The following BPNT1 variants were observed in gnomAD, a reference collection of about 807,000 sequenced individuals.
BPNT1 encodes the protein 3'(2'), 5'-bisphosphate nucleotidase 1.
In BPNT1, 28 loss-of-function variants were observed where a neutral mutation model predicts 36.9. The ratio of observed to expected loss-of-function variants is 0.76; its 90% CI spans 0.56 to 1.04. BPNT1 has a LOEUF of 1.04. Among genes scored for constraint, BPNT1 ranks in the 50% least tolerant of loss-of-function variants. The pLI is 0.00. For synonymous variants in BPNT1, 119 were observed against 130.9 expected, an observed-to-expected ratio of 0.91 and a Z score of 0.62; for missense variants, 313 against 372.9, an observed-to-expected ratio of 0.84 and a Z score of 1.32.
At chr1:220,074,135 T>C in intron 2 of BPNT1, 64 bp from the exon 3 acceptor site, 6 of 1,400,030 alleles carry the variant, frequency 4.3e-6, no homozygotes, top group Non-Finnish European at 5.0e-6. Flanking sequence ...TGATTCCTTG[T>C]GCATGAGTGC....
chr1:220,081,226 T>C (rs1388784170), intron 1 of BPNT1, among the ~76,000 whole-genome samples: 1 of 152,162 alleles, frequency 6.6e-6, no homozygotes, highest in East Asian at 1.9e-4. Context: ...AGCCACTGTA[T>C]CTGGCCTGTA....
chr1:220,074,500 T>G lies in BPNT1; in HGVS notation c.121-429A>C, dbSNP rs576264008. Reference sequence around the variant, plus strand: ...CACAGGTACAGAGTAAGAAATCCTATTTGTTTTTTTTTTTGAGACAGAGTC... The same window carrying G: ...CACAGGTACAGAGTAAGAAATCCTAGTTGTTTTTTTTTTTGAGACAGAGTC... On this transcript the variant is annotated intron_variant, in intron 2 of 8. Transcript: ENST00000322067. Among the ~76,000 whole-genome samples, 12 of 147,820 alleles carry G rather than the reference T, an allele frequency of 8.1e-5. No individual in the cohort carries two copies. The East Asian group carries it at 2.1e-3, about 26-fold the overall frequency.
At chr1:220,072,224 A>G (rs1445986173) in intron 4 of BPNT1, among the ~76,000 whole-genome samples, 1 of 151,642 alleles carries the variant, frequency 6.6e-6, no homozygotes, top group Non-Finnish European at 1.5e-5. Flanking sequence ...TTAGCTGGGC[A>G]TGGTGGTGCG....
intron 2 of BPNT1, 107 bp downstream of exon 2, chr1:220,079,619 GC>G (rs1664919913): frequency 7.5e-7 from 1 of 1,337,758 alleles, no homozygotes; most frequent in Non-Finnish European, 1.0e-6. Context: ...CCCTAAGGGA[GC>G]CATCAATTAT....
chr1:220,070,244 A>G (rs932279692), intron 4 of BPNT1, among the ~76,000 whole-genome samples: 1 of 152,242 alleles, frequency 6.6e-6, no homozygotes, highest in Non-Finnish European at 1.5e-5. Flanking sequence ...GACATTTAAT[A>G]TGATTCAGGA....
At chr1:220,072,396 C>T (rs1374739459) in intron 4 of BPNT1, among the ~76,000 whole-genome samples, 1 of 151,986 alleles carries the variant, frequency 6.6e-6, no homozygotes, top group Non-Finnish European at 1.5e-5. Flanking sequence ...TGGTTGCAGC[C>T]TCAACCTCCA....
chr1:220,074,774 A>G (rs997177569), intron 2 of BPNT1, among the ~76,000 whole-genome samples: 6 of 152,246 alleles, frequency 3.9e-5, no homozygotes, highest in East Asian at 3.9e-4. Flanking sequence ...GATTACAGGC[A>G]TGAGCCACCA....
rs1187379124 is a variant in BPNT1, at chr1:220,058,797, G to A, written c.*47C>T. The A allele has an allele frequency of 1.3e-6, 2 of 1,576,934 alleles. No individual in the cohort carries two copies. The highest frequency in any genetic ancestry group is 2.3e-5 in the East Asian group (1 of 44,442). ...ACCTGCCTCGGCCTCCCAAAGTGCT[G>A]GGATTACAGGCATGAGCCACCGCGC... On this transcript the variant is annotated 3_prime_UTR_variant, in exon 9 of 9. Transcript: ENST00000322067.
chr1:220,082,085 T>TATATATATATATATAGAGAG (rs1171093697), intron 1 of BPNT1, among the ~76,000 whole-genome samples: 1 of 103,296 alleles, frequency 9.7e-6, no homozygotes, highest in African/African-American at 3.8e-5. Context: ...TATATATATA[T>TATATATATATATATAGAGAG]AGAGAGAGAG....
In BPNT1 at chr1:220,086,539, G is replaced by C. The variant is rs140738220; in HGVS notation, c.-9+3147C>G. On this transcript the variant is annotated intron_variant, in intron 1 of 8. Transcript: ENST00000322067. ...TCCACCCTCCTCGGCCTCCCAAGGT[G>C]CTGGGATTACAGGCATGAGCCACCA... Among the ~76,000 whole-genome samples, 747 of 151,916 alleles carry C rather than the reference G, an allele frequency of 4.9e-3. 5 individuals carry two copies. The highest frequency in any genetic ancestry group is 0.029 in the South Asian group (139 of 4,820).
chr1:220,071,145 C>T (rs1664028596), intron 4 of BPNT1, among the ~76,000 whole-genome samples: 1 of 151,928 alleles, frequency 6.6e-6, no homozygotes, highest in Non-Finnish European at 1.5e-5. Context: ...CAGGCGTGAG[C>T]CACCATGCCC....
At chr1:220,066,202 T>C in intron 6 of BPNT1, 1 of 966,698 alleles carries the variant, frequency 1.0e-6, no homozygotes, top group African/African-American at 1.6e-5. Flanking sequence ...TTTTTCTTGA[T>C]GAAAGGTACC....
rs1662770154 is a variant in BPNT1 at position 220,059,065 on chromosome 1, T to G, written c.779-73A>C. ...TGTGGTTTTTCTAGTTATTTTTAAG[T>G]GCCTTTTGCTTCCTTATCCAATAGT... On this transcript the variant is annotated intron_variant, in intron 8 of 8. Coordinates refer to ENST00000322067, the MANE Select transcript of BPNT1 (RefSeq NM_006085.6). 4 of 1,504,530 alleles carry G rather than the reference T, an allele frequency of 2.7e-6. No individual in the cohort carries two copies. In the East Asian group the frequency reaches 6.8e-5, roughly 26 times the overall value. The allele number at this position is 1,504,530 out of a possible 1,614,324, so 93.2% of individuals were successfully genotyped here. A position where few individuals can be genotyped will look rare whatever the true frequency, so the allele number is the denominator to read the frequency against.
chr1:220,064,171 A>C (rs1663317098), intron 6 of BPNT1, among the ~76,000 whole-genome samples: 1 of 152,224 alleles, frequency 6.6e-6, no homozygotes, highest in Admixed American at 6.5e-5. Context: ...ACCTGACTAA[A>C]GGTTCTAAGA....
chr1:220,081,524 T>C (rs1237726022), intron 1 of BPNT1, among the ~76,000 whole-genome samples: 3 of 151,348 alleles, frequency 2.0e-5, no homozygotes, highest in African/African-American at 7.3e-5. Flanking sequence ...GCCTGGGCGA[T>C]AGAGCGAGAG....
rs761173989 is a variant in BPNT1 at position 220,079,789 on chromosome 1, G to T, written c.58C>A (p.Gln20Lys). The change falls in exon 2 of 9, where the codon CAA becomes AAA. Residue 20 changes from glutamine (Q) to lysine (K), a missense_variant. Physicochemically the swap from Gln to Lys is moderately conservative, Grantham distance 53. Coordinates refer to ENST00000322067, the MANE Select transcript of BPNT1 (RefSeq NM_006085.6). ...RLVASAYSIA[Q>K]KAGMIVRRVI... ...CGTCTGACTATCATTCCTGCCTTTTGAGCAATAGAATATGCGGAGGCTACC... is the reference window on the plus strand; with the variant it reads ...CGTCTGACTATCATTCCTGCCTTTTTAGCAATAGAATATGCGGAGGCTACC... 1 of 1,614,006 alleles carries T rather than the reference G, an allele frequency of 6.2e-7. No individual in the cohort carries two copies. The highest frequency in any genetic ancestry group is 1.1e-5 in the South Asian group (1 of 91,068).
intron 7 of BPNT1, among the ~76,000 whole-genome samples, chr1:220,061,627 C>G (rs1663048524): frequency 6.6e-6 from 1 of 151,588 alleles, no homozygotes; most frequent in African/African-American, 2.4e-5. Flanking sequence ...GGATGACTTT[C>G]AGGTGTTTGG....
chr1:220,079,764 C>T lies in BPNT1; in HGVS notation c.83G>A (p.Arg28His), dbSNP rs975977196. The T allele has an allele frequency of 1.2e-5, 20 of 1,613,986 alleles. No homozygotes were observed. Among genetic ancestry groups the T allele is most frequent in the Admixed American group, 5.0e-5 (3 of 59,996 alleles). The change falls in exon 2 of 9, where the codon CGT becomes CAT. Residue 28 changes from arginine to histidine, a missense_variant. Physicochemically the swap from Arg to His is conservative, Grantham distance 29 (BLOSUM62 0). Coordinates refer to ENST00000322067, the MANE Select transcript of BPNT1 (RefSeq NM_006085.6). ...ACCCAGGTCTCCTTCAGCAATAACA[C>T]GTCTGACTATCATTCCTGCCTTTTG... is the stretch of plus-strand genomic sequence containing the variant. ...IAQKAGMIVR[R>H]VIAEGDLGIV...
Position 220,076,731 on chromosome 1 carries a change from A to G in BPNT1, c.121-2660T>C, listed in dbSNP as rs1039744337. Among the ~76,000 whole-genome samples the G allele has an allele frequency of 7.5e-4, 112 of 149,818 alleles. 2 individuals are homozygous for G. The East Asian group carries it at 0.013, about 17-fold the overall frequency. On this transcript the variant is annotated intron_variant, in intron 2 of 8. Transcript: ENST00000322067. ...AATAATAATAATAATAATAATAATA[A>G]TAGTAGTAGCCCTCTGAAAGCAGCA...
Sources: allele counts gnomAD v4.1 joint callset (sites outside exome capture counted in the v4.1 genomes callset), GRCh38; gene constraint gnomAD v4.1.1; transcripts MANE v1.5; gene names NCBI Gene and HGNC (gene_info 2026-07-23, HGNC 2026-07-21).